ZNF521: variants seen among roughly 807,000 people sequenced by gnomAD.
The protein encoded by ZNF521 is zinc finger protein 521.
In ZNF521, 14 loss-of-function variants were observed where a neutral mutation model predicts 105.5. The observed-to-expected ratio is 0.13, with a 90% confidence interval of 0.09 to 0.21. The LOEUF (loss-of-function observed/expected upper bound fraction) is 0.21. Among genes scored for constraint, ZNF521 ranks in the 10% least tolerant of loss-of-function variants. The pLI, the probability that ZNF521 is intolerant of heterozygous loss-of-function variation, is 1.00. For synonymous variants in ZNF521, 635 were observed against 606.0 expected (o/e 1.05, Z -0.70); for missense variants, 1,233 against 1,629.7 (o/e 0.76, Z 4.19).
At chr18:25,278,743 TA>T (rs11296824) in intron 3 of ZNF521, among the ~76,000 whole-genome samples, 60,280 of 150,982 alleles carry the variant, frequency 0.4, 12,490 homozygotes, top group African/African-American at 0.52. Context: ...TCCTCTTGTT[TA>T]AAAAAAAAAT....
chr18:25,077,530 A>T (rs1039443558), intron 7 of ZNF521, among the ~76,000 whole-genome samples: 2 of 149,652 alleles, frequency 1.3e-5, no homozygotes, highest in African/African-American at 5.0e-5. Flanking sequence ...TTCTCCTCTT[A>T]TGTTTTTTTT....
chr18:25,234,650 A>G (rs533662797), intron 3 of ZNF521, among the ~76,000 whole-genome samples: 1 of 152,332 alleles, frequency 6.6e-6, no homozygotes, highest in Non-Finnish European at 1.5e-5. Flanking sequence ...GCTAAAATCT[A>G]AAAATGTATT....
At chr18:25,280,646 C>T (rs748117885) in intron 3 of ZNF521, among the ~76,000 whole-genome samples, 6 of 152,124 alleles carry the variant, frequency 3.9e-5, no homozygotes, top group Non-Finnish European at 8.8e-5. Flanking sequence ...GTAGAGCCCA[C>T]ATCCAGTAGT....
At chr18:25,203,669 T>C (rs1012544689) in intron 4 of ZNF521, among the ~76,000 whole-genome samples, 1 of 151,936 alleles carries the variant, frequency 6.6e-6, no homozygotes, top group African/African-American at 2.4e-5. Flanking sequence ...AGAAAGACAA[T>C]TCAGAAGAGA....
At chr18:25,230,573 C>T (rs1906467004) in intron 3 of ZNF521, among the ~76,000 whole-genome samples, 1 of 150,538 alleles carries the variant, frequency 6.6e-6, no homozygotes, top group South Asian at 2.1e-4. Context: ...TAAACGATGT[C>T]AATTTCTTTT....
chr18:25,081,279 C>T (rs1016291211), intron 7 of ZNF521, among the ~76,000 whole-genome samples: 2 of 152,130 alleles, frequency 1.3e-5, no homozygotes, highest in African/African-American at 4.8e-5. Context: ...AATGGCAGCT[C>T]GCTAACAACA....
At chr18:25,275,697 A>G (rs1451544994) in intron 3 of ZNF521, among the ~76,000 whole-genome samples, 1 of 152,212 alleles carries the variant, frequency 6.6e-6, no homozygotes, top group Non-Finnish European at 1.5e-5. Flanking sequence ...ACTGGGGCCA[A>G]TGGGCTTTCC....
intron 4 of ZNF521, among the ~76,000 whole-genome samples, chr18:25,209,476 CAAT>C (rs1437808337): frequency 2.0e-5 from 3 of 152,090 alleles, no homozygotes; most frequent in African/African-American, 7.2e-5. Context: ...AAAAGAGAGA[CAAT>C]TTTTACTACG....
intron 2 of ZNF521, among the ~76,000 whole-genome samples, chr18:25,333,049 C>T (rs1247920504): frequency 3.3e-5 from 5 of 151,594 alleles, no homozygotes; most frequent in African/African-American, 1.2e-4. Context: ...TATAATGTAG[C>T]ATATACATAT....
At chr18:25,333,749 A>C (rs1363703103) in intron 2 of ZNF521, among the ~76,000 whole-genome samples, 3 of 152,322 alleles carry the variant, frequency 2.0e-5, no homozygotes, top group Non-Finnish European at 2.9e-5. Context: ...GAAAACAGGG[A>C]TAATTTCAGG....
intron 5 of ZNF521, among the ~76,000 whole-genome samples, chr18:25,122,563 AAGTG>A (rs2034463607): frequency 1.3e-5 from 2 of 152,328 alleles, no homozygotes; most frequent in South Asian, 4.1e-4. Flanking sequence ...CCTATCAAAT[AAGTG>A]AGTGACTTTT....
intron 3 of ZNF521, among the ~76,000 whole-genome samples, chr18:25,283,027 A>C (rs898341012): frequency 5.3e-5 from 8 of 152,216 alleles, no homozygotes; most frequent in Non-Finnish European, 1.2e-4. Flanking sequence ...GACTTTAACC[A>C]CAGCGTGCCT....
chr18:25,342,537 T>G lies in ZNF521; in HGVS notation c.40+8370A>C, dbSNP rs553347904. ...TCCGCCTCCCAGGTTCCCGCCATTC[T>G]CCTGCCTCAGCCTCCCAAGTAGCTG... On this transcript the variant is annotated intron_variant, in intron 2 of 7. Coordinates refer to ENST00000361524, the MANE Select transcript of ZNF521 (RefSeq NM_015461.3). Among the ~76,000 whole-genome samples, 391 of 141,434 alleles carry G rather than the reference T, an allele frequency of 2.8e-3. 26 individuals carry two copies. Among genetic ancestry groups the G allele is most frequent in the Non-Finnish European group, 4.4e-3 (277 of 63,404 alleles). 92.8% of individuals were successfully genotyped at this position (141,434 alleles called of 152,430 possible).
Position 25,227,280 on chromosome 18 carries a change from G to A in ZNF521, c.638C>T (p.Ser213Phe). The change falls in exon 4 of 8, where the codon TCC becomes TTC. Residue 213 changes from serine (S) to phenylalanine (F), a missense_variant. Ser to Phe is a radical substitution (Grantham distance 155). This residue lies in a region of ZNF521 where 380 missense variants were observed against 478.0 expected (regional missense o/e 0.80). Coordinates refer to ENST00000361524, the MANE Select transcript of ZNF521 (RefSeq NM_015461.3). This position sits in a 1 kb window ranked among gnomAD's most constrained non-coding sequence, Gnocchi z 5.7. ...CATGTGTCCGTGTAAGGAACTAGAG[G>A]ACAGAAACCCACGGCGACAAATGGC... ...KCAICRRGFL[S>F]SSSLHGHMQV... The A allele has an allele frequency of 6.2e-7, 1 of 1,614,110 alleles. No homozygotes were observed.
intron 4 of ZNF521, among the ~76,000 whole-genome samples, chr18:25,219,578 C>G (rs1249980160): frequency 6.6e-6 from 1 of 152,076 alleles, no homozygotes; most frequent in Non-Finnish European, 1.5e-5. Flanking sequence ...AATCCCAACA[C>G]TTTGGGAGGC....
intron 4 of ZNF521, among the ~76,000 whole-genome samples, chr18:25,218,937 C>T (rs931313022): frequency 1.3e-5 from 2 of 152,070 alleles, no homozygotes; most frequent in African/African-American, 4.8e-5. Context: ...CTGCCTCTGC[C>T]ACCCCCAAGA....
At chr18:25,261,670 T>A (rs1028199377) in intron 3 of ZNF521, among the ~76,000 whole-genome samples, 20 of 152,080 alleles carry the variant, frequency 1.3e-4, no homozygotes, top group African/African-American at 4.1e-4. Flanking sequence ...CTTTTTTTTT[T>A]AATTTTTAAA....
chr18:25,188,433 T>G (rs2035763081), intron 5 of ZNF521, among the ~76,000 whole-genome samples: 1 of 152,194 alleles, frequency 6.6e-6, no homozygotes, highest in South Asian at 2.1e-4. Flanking sequence ...TTTCCTTTGA[T>G]GTGTGTGAAC....
At chr18:25,303,498 A>G (rs1911777426) in intron 3 of ZNF521, among the ~76,000 whole-genome samples, 1 of 152,018 alleles carries the variant, frequency 6.6e-6, no homozygotes, top group Non-Finnish European at 1.5e-5. Context: ...GGGTTTCACT[A>G]TGTTGGCCAG....
Sources: gnomAD v4.1 joint callset for allele counts (sites outside exome capture counted in the v4.1 genomes callset) on GRCh38, gnomAD v4.1.1 for gene constraint, gnomAD v4.1.1 regional missense constraint, Gnocchi (gnomAD v3.1) non-coding constraint, MANE v1.5 for transcripts, NCBI Gene and HGNC (gene_info 2026-07-23, HGNC 2026-07-21) for gene names.